Variants in MITF observed in about 807,000 individuals in gnomAD.
MITF encodes microphthalmia-associated transcription factor.
MITF carries 17 observed loss-of-function variants against 60.5 expected under a neutral mutation model. The observed-to-expected ratio is 0.28, with a 90% CI of 0.19 to 0.42. MITF has a LOEUF of 0.42. Ranked by LOEUF, MITF falls within the 10% of genes least tolerant of loss-of-function variation. The pLI, the probability that MITF is intolerant of heterozygous loss-of-function variation, is 1.00. For missense variants in MITF, 622 were observed against 683.5 expected (o/e 0.91, Z 1.00); for synonymous variants, 260 against 248.5 (o/e 1.05, Z -0.43).
chr3:69,940,522 C>T (rs879090270), intron 4 of MITF, among the ~76,000 whole-genome samples: 2 of 152,170 alleles, frequency 1.3e-5, no homozygotes, highest in Non-Finnish European at 2.9e-5. Flanking sequence ...GTCAGCTCCA[C>T]GACTGTAATG....
intron 1 of MITF, among the ~76,000 whole-genome samples, chr3:69,857,687 A>G (rs999970682): frequency 9.9e-5 from 15 of 152,214 alleles, no homozygotes; most frequent in African/African-American, 3.4e-4. Flanking sequence ...TTGTCTGTTT[A>G]AATTAATAAA....
At chr3:69,906,182 C>A (rs1430273319) in intron 2 of MITF, among the ~76,000 whole-genome samples, 3 of 152,012 alleles carry the variant, frequency 2.0e-5, no homozygotes, top group Non-Finnish European at 4.4e-5. Context: ...ATATGGATGA[C>A]CAATTGTTCC....
At chr3:69,840,606 AAATT>A (rs2063618679) in intron 1 of MITF, among the ~76,000 whole-genome samples, 1 of 152,128 alleles carries the variant, frequency 6.6e-6, no homozygotes, top group Non-Finnish European at 1.5e-5. Flanking sequence ...ATCGACAGGA[AAATT>A]AATTATCAAT....
intron 1 of MITF, among the ~76,000 whole-genome samples, chr3:69,806,495 G>T (rs2063010668): frequency 6.6e-6 from 1 of 152,052 alleles, no homozygotes; most frequent in Non-Finnish European, 1.5e-5. Flanking sequence ...ATAATTTGAA[G>T]ATAAAGGTCC....
chr3:69,965,261 G>A lies in MITF; in HGVS notation c.*13G>A. On this transcript the variant is annotated 3_prime_UTR_variant, in exon 10 of 10. Transcript: ENST00000352241. ...GCACACTTGTTAGCGAATCCTCCCT[G>A]CACTGCATTCGCACAAACTGCTTCC... The A allele has an allele frequency of 3.1e-6, 5 of 1,611,876 alleles. No homozygotes were observed. Among genetic ancestry groups the A allele is most frequent in the Non-Finnish European group, 4.2e-6 (5 of 1,178,264 alleles).
chr3:69,828,258 C>T (rs12107678), intron 1 of MITF, among the ~76,000 whole-genome samples: 1 of 151,874 alleles, frequency 6.6e-6, no homozygotes, highest in Non-Finnish European at 1.5e-5. Context: ...TAGTTTCAAA[C>T]GTTGTATTTT....
intron 1 of MITF, chr3:69,866,213 G>T (rs1038445882): frequency 6.2e-7 from 1 of 1,600,324 alleles, no homozygotes. Flanking sequence ...GCCACCCCTA[G>T]TGACACAGCC....
At chr3:69,867,161 C>T (rs1035001443) in intron 1 of MITF, among the ~76,000 whole-genome samples, 2 of 152,126 alleles carry the variant, frequency 1.3e-5, no homozygotes, top group Non-Finnish European at 2.9e-5. Context: ...GCAAAAGCTA[C>T]CTCTGGAGCT....
At chr3:69,925,827 C>G (rs1280237458) in intron 2 of MITF, among the ~76,000 whole-genome samples, 1 of 152,172 alleles carries the variant, frequency 6.6e-6, no homozygotes, top group African/African-American at 2.4e-5. Context: ...CATTGAGGTT[C>G]CACCCAACTT....
At chr3:69,798,881 A>G (rs1489345559) in intron 1 of MITF, among the ~76,000 whole-genome samples, 2 of 152,184 alleles carry the variant, frequency 1.3e-5, no homozygotes. Flanking sequence ...CCTTGTTAAT[A>G]CACTCATAGG....
At chr3:69,819,572 C>T (rs183207339) in intron 1 of MITF, among the ~76,000 whole-genome samples, 132 of 152,168 alleles carry the variant, frequency 8.7e-4, no homozygotes, top group Non-Finnish European at 4.6e-4. Flanking sequence ...TGGTAATAGC[C>T]GTGCCATTGC....
chr3:69,820,321 G>T (rs770912989), intron 1 of MITF, among the ~76,000 whole-genome samples: 1 of 152,116 alleles, frequency 6.6e-6, no homozygotes, highest in African/African-American at 2.4e-5. Context: ...CTTTACCAGG[G>T]ATGTTCATGG....
chr3:69,817,991 A>G (rs1352385145), intron 1 of MITF, among the ~76,000 whole-genome samples: 11 of 152,134 alleles, frequency 7.2e-5, no homozygotes, highest in Admixed American at 6.5e-4. Flanking sequence ...TATGCATTAG[A>G]TATTGTTAGG....
intron 1 of MITF, among the ~76,000 whole-genome samples, chr3:69,878,889 T>G (rs2064415671): frequency 1.3e-5 from 2 of 151,832 alleles, no homozygotes; most frequent in African/African-American, 2.4e-5. Flanking sequence ...AAAAAAAAAT[T>G]AAAAAAATTA....
At chr3:69,951,653 C>T (rs933245523) in intron 6 of MITF, among the ~76,000 whole-genome samples, 159 bp from the exon 7 acceptor site, 2 of 151,866 alleles carry the variant, frequency 1.3e-5, no homozygotes, top group Non-Finnish European at 2.9e-5. Context: ...TGAAAACATG[C>T]AAGCTTTTTA....
intron 2 of MITF, among the ~76,000 whole-genome samples, chr3:69,884,539 G>A (rs1228947187): frequency 1.3e-5 from 2 of 152,168 alleles, no homozygotes; most frequent in African/African-American, 4.8e-5. Context: ...CAATGTGTAA[G>A]TATGTACCAG....
chr3:69,850,853 T>C (rs2107176836), intron 1 of MITF, among the ~76,000 whole-genome samples: 1 of 152,236 alleles, frequency 6.6e-6, no homozygotes, highest in East Asian at 1.9e-4. Context: ...CAGAAATAAG[T>C]GCAGCTGTAG....
intron 1 of MITF, among the ~76,000 whole-genome samples, chr3:69,743,567 T>C (rs1485603605): frequency 6.6e-6 from 1 of 152,170 alleles, no homozygotes; most frequent in African/African-American, 2.4e-5. Context: ...GTGAATCTCA[T>C]TTTGGTCATA....
chr3:69,753,312 G>C (rs1466920077), intron 1 of MITF, among the ~76,000 whole-genome samples: 8 of 152,256 alleles, frequency 5.3e-5, no homozygotes, highest in African/African-American at 1.9e-4. Flanking sequence ...CCTCCAACTA[G>C]ATTTCAGAGG....
Sources: allele counts gnomAD v4.1 joint callset (sites outside exome capture counted in the v4.1 genomes callset), GRCh38; gene constraint gnomAD v4.1.1; transcripts MANE v1.5; gene names NCBI Gene and HGNC (gene_info 2026-07-23, HGNC 2026-07-21).